Variants in TAF4 observed in about 807,000 individuals in gnomAD.
TAF4 encodes TATA-box binding protein associated factor 4, also known as transcription initiation factor TFIID subunit 4.
TAF4 carries 9 observed loss-of-function variants against 90.3 expected under a neutral mutation model. The observed-to-expected ratio is 0.10, with a 90% CI of 0.06 to 0.17. The LOEUF (loss-of-function observed/expected upper bound fraction) is 0.17, where lower values mean the gene tolerates loss of function less well. TAF4 is among the 10% of genes least tolerant of loss of function. The pLI is 1.00. For missense variants in TAF4, 1,351 were observed against 1,370.7 expected (o/e 0.99, Z 0.23); for synonymous variants, 818 against 638.9 (o/e 1.28, Z -4.23).
chr20:62,059,297 T>G (rs1036275355), intron 1 of TAF4, among the ~76,000 whole-genome samples: 6 of 152,224 alleles, frequency 3.9e-5, no homozygotes, highest in African/African-American at 9.6e-5. Flanking sequence ...GTGGACAACA[T>G]GTATCTCTTT....
intron 9 of TAF4, 24 bp from the exon 10 acceptor site, chr20:62,000,745 C>CT: frequency 6.2e-7 from 1 of 1,613,470 alleles, no homozygotes; most frequent in Non-Finnish European, 8.5e-7. Context: ...GGGAAGATCA[C>CT]TTTAACTGTA....
intron 1 of TAF4, among the ~76,000 whole-genome samples, chr20:62,023,995 T>C (rs887823387): frequency 1.3e-5 from 2 of 151,980 alleles, no homozygotes; most frequent in African/African-American, 4.8e-5. Context: ...GGAAGACTGC[T>C]TGAGCCCGGG....
chr20:62,033,510 G>A (rs2055915427), intron 1 of TAF4, among the ~76,000 whole-genome samples: 1 of 152,196 alleles, frequency 6.6e-6, no homozygotes, highest in South Asian at 2.1e-4. Context: ...ACCAAGTCAG[G>A]CAGGTCACTT....
At chr20:62,057,384 T>C (rs1016781651) in intron 1 of TAF4, among the ~76,000 whole-genome samples, 1 of 152,228 alleles carries the variant, frequency 6.6e-6, no homozygotes, top group South Asian at 2.1e-4. Context: ...ACCTTCTTAC[T>C]GCAGGGCCCT....
At position 62,064,529 on chromosome 20, in the gene TAF4, T is replaced by A. The variant is rs112347557; in HGVS notation, c.1282A>T (p.Thr428Ser). The change falls in exon 1 of 15, where the codon ACG becomes TCG. Residue 428 changes from threonine to serine, a missense_variant. Around this residue, in one of 9 missense-constraint regions of TAF4, gnomAD observed 782 missense variants for 536.6 expected, o/e 1.46. Transcript: ENST00000252996. Reference protein sequence around the residue: ...ATTSGIRATLTPTVLAPRLPQ... With the variant: ...ATTSGIRATLSPTVLAPRLPQ... ...AAGCGGGGGGCCAGCACGGTGGGCG[T>A]CAGGGTGGCCCGAATCCCGCTGGTG... is the stretch of plus-strand genomic sequence containing the variant. The A allele has an allele frequency of 6.5e-7, 1 of 1,529,250 alleles. No homozygotes were observed. 94.7% of individuals were successfully genotyped at this position (1,529,250 alleles called of 1,614,324 possible).
chr20:62,016,934 G>C (rs1056993867), intron 1 of TAF4, among the ~76,000 whole-genome samples: 1 of 151,928 alleles, frequency 6.6e-6, no homozygotes, highest in Non-Finnish European at 1.5e-5. Flanking sequence ...AGGCTGGTTC[G>C]AGACCAGACT....
Position 62,003,280 on chromosome 20 carries a change from A to G in TAF4, c.2372-6T>C. On this transcript the variant is annotated splice_polypyrimidine_tract_variant and splice_region_variant and intron_variant, in intron 8 of 14. Transcript: ENST00000252996. ...GGCGGGTTTCACCACAGGGACTACA[A>G]AACAAACACACAGTGGAAACCACAC... 1 of 1,609,820 alleles carries G rather than the reference A, an allele frequency of 6.2e-7. No homozygotes were observed. The highest frequency in any genetic ancestry group is 8.5e-7 in the Non-Finnish European group (1 of 1,176,088).
Position 62,006,934 on chromosome 20 carries a change from A to G in TAF4, c.1975-176T>C. 1 of 769,168 alleles carries G rather than the reference A, an allele frequency of 1.3e-6. No individual in the cohort carries two copies. The highest frequency in any genetic ancestry group is 1.8e-6 in the Non-Finnish European group (1 of 554,268). 47.6% of individuals were successfully genotyped at this position (769,168 alleles called of 1,614,324 possible). A position where few individuals can be genotyped will look rare whatever the true frequency, so the allele number is the denominator to read the frequency against. On this transcript the variant is annotated intron_variant, in intron 6 of 14. Coordinates refer to ENST00000252996, the MANE Select transcript of TAF4 (RefSeq NM_003185.4). This position sits in a 1 kb window ranked among gnomAD's most constrained non-coding sequence, Gnocchi z 7.0. The stretch of plus-strand genomic sequence containing the variant: ...GGCCAGGACCCCATCCTGCCCTCCC[A>G]CTAAGTGGGATTATTCCTGATAGCA...
At chr20:62,014,842 C>A in intron 1 of TAF4, 135 bp from the exon 2 acceptor site, 1 of 1,217,180 alleles carries the variant, frequency 8.2e-7, no homozygotes, top group Non-Finnish European at 1.1e-6. Flanking sequence ...ACGAATCCCC[C>A]AAACTCAAAA....
intron 1 of TAF4, among the ~76,000 whole-genome samples, chr20:62,060,910 G>GA (rs1462848416): frequency 6.6e-6 from 1 of 152,198 alleles, no homozygotes; most frequent in Non-Finnish European, 1.5e-5. Context: ...GAAAATCAGT[G>GA]AAAAATGAGG....
At chr20:62,008,053 C>A (rs1449697178) in intron 5 of TAF4, 2 of 160,136 alleles carry the variant, frequency 1.2e-5, no homozygotes, top group Non-Finnish European at 2.7e-5. Flanking sequence ...CCAGGGGCCA[C>A]ACAGACAGGA....
chr20:62,022,673 C>G (rs1248159770), intron 1 of TAF4, among the ~76,000 whole-genome samples: 1 of 152,204 alleles, frequency 6.6e-6, no homozygotes, highest in Non-Finnish European at 1.5e-5. Context: ...ACAGCCTCAT[C>G]TTCCTTCTAA....
intron 14 of TAF4, among the ~76,000 whole-genome samples, chr20:61,992,386 T>G (rs958083139): frequency 6.6e-6 from 1 of 152,130 alleles, no homozygotes; most frequent in Non-Finnish European, 1.5e-5. Context: ...AGGAGATATT[T>G]TAATTCTATT....
rs547139639 is a variant in TAF4 at position 61,976,117 on chromosome 20, A to C, written c.*51T>G. On this transcript the variant is annotated 3_prime_UTR_variant, in exon 15 of 15. Coordinates refer to ENST00000252996, the MANE Select transcript of TAF4 (RefSeq NM_003185.4). ...AAACAATATCCCATTTGCTCGTTACAAAAAGGCGTAATCTGCAAATATATA... is the reference window on the plus strand; with the variant it reads ...AAACAATATCCCATTTGCTCGTTACCAAAAGGCGTAATCTGCAAATATATA... The C allele has an allele frequency of 5.5e-5, 87 of 1,594,054 alleles. No homozygotes were observed. In the South Asian group the frequency reaches 7.2e-4, roughly 13 times the overall value.
chr20:62,005,260 C>G (rs2055737448), intron 7 of TAF4: 1 of 152,276 alleles, frequency 6.6e-6, no homozygotes, highest in Admixed American at 6.5e-5. Flanking sequence ...GTTCTGCCTC[C>G]ACAGGCTTCA....
intron 1 of TAF4, among the ~76,000 whole-genome samples, chr20:62,022,724 G>T (rs962171944): frequency 6.6e-6 from 1 of 152,164 alleles, no homozygotes; most frequent in African/African-American, 2.4e-5. Flanking sequence ...CACCTCTCGG[G>T]GTTTGGCAGG....
At chr20:62,033,846 T>C (rs2055917753) in intron 1 of TAF4, among the ~76,000 whole-genome samples, 1 of 150,858 alleles carries the variant, frequency 6.6e-6, no homozygotes, top group African/African-American at 2.4e-5. Context: ...ATCGAGACCA[T>C]CCTGGCTAAC....
intron 11 of TAF4, among the ~76,000 whole-genome samples, chr20:61,999,821 C>T (rs1488325265): frequency 6.6e-6 from 1 of 152,124 alleles, no homozygotes; most frequent in Non-Finnish European, 1.5e-5. Context: ...CGGTGGTGTG[C>T]GCCTGTAATC....
At chr20:62,031,102 C>A (rs1438734436) in intron 1 of TAF4, among the ~76,000 whole-genome samples, 2 of 152,240 alleles carry the variant, frequency 1.3e-5, no homozygotes, top group East Asian at 3.8e-4. Context: ...CTTCTGCCTT[C>A]GTGAAGCCTT....
Sources: gnomAD v4.1 joint callset for allele counts (sites outside exome capture counted in the v4.1 genomes callset) on GRCh38, gnomAD v4.1.1 for gene constraint, gnomAD v4.1.1 regional missense constraint, Gnocchi (gnomAD v3.1) non-coding constraint, MANE v1.5 for transcripts, NCBI Gene and HGNC (gene_info 2026-07-23, HGNC 2026-07-21) for gene names.